Variants in PARD3B observed in about 807,000 individuals in gnomAD.
PARD3B encodes partitioning defective 3 homolog B.
In PARD3B, 103 loss-of-function variants were observed where a neutral mutation model predicts 130.2. The observed-to-expected ratio is 0.79, with a 90% CI of 0.67 to 0.93. The LOEUF (loss-of-function observed/expected upper bound fraction) is 0.93, where lower values mean the gene tolerates loss of function less well. Among genes scored for constraint, PARD3B ranks in the 40% least tolerant of loss-of-function variants. The pLI is 0.00. For synonymous variants in PARD3B, 583 were observed against 553.2 expected, an observed-to-expected ratio of 1.05 and a Z score of -0.76; for missense variants, 1,609 against 1,499.2, an observed-to-expected ratio of 1.07 and a Z score of -1.21.
chr2:205,517,824 C>G, intron 21 of PARD3B, among the ~76,000 whole-genome samples: 1 of 152,098 alleles, frequency 6.6e-6, no homozygotes, highest in Admixed American at 6.6e-5. Context: ...TGATTTCTGC[C>G]TTAACTTCAT....
intron 2 of PARD3B, among the ~76,000 whole-genome samples, chr2:204,751,780 C>T (rs937577631): frequency 6.6e-6 from 1 of 152,128 alleles, no homozygotes; most frequent in Admixed American, 6.6e-5. Context: ...CATTGGCTTT[C>T]TTCATGTTTT....
intron 2 of PARD3B, among the ~76,000 whole-genome samples, chr2:204,786,039 G>A (rs1249655354): frequency 1.3e-5 from 2 of 151,178 alleles, no homozygotes; most frequent in African/African-American, 4.9e-5. Context: ...ACTTGAACCC[G>A]GGAGGTGGAG....
intron 20 of PARD3B, among the ~76,000 whole-genome samples, chr2:205,497,623 G>C (rs531937162): frequency 6.6e-6 from 1 of 151,968 alleles, no homozygotes; most frequent in South Asian, 2.1e-4. Context: ...ACCTTTCCAA[G>C]CCTCACTTGT....
At chr2:205,095,028 G>A (rs1456501176) in intron 4 of PARD3B, among the ~76,000 whole-genome samples, 2 of 152,068 alleles carry the variant, frequency 1.3e-5, no homozygotes, top group African/African-American at 2.4e-5. Context: ...TGAGAAGATG[G>A]TATAGTTTAA....
rs1328813846 is a variant in PARD3B at position 205,122,931 on chromosome 2, TC to T, written c.1165+983del. On this transcript the variant is annotated intron_variant, in intron 8 of 22. Coordinates refer to ENST00000406610, the MANE Select transcript of PARD3B (RefSeq NM_001302769.2). This position sits in a 1 kb window ranked among gnomAD's most constrained non-coding sequence, Gnocchi z 4.3. ...CAATCAGGTTTTTTATTTAAATGCCTCAGTTGTATTTTTTGTACAAATGATC... is the reference window on the plus strand; with the variant it reads ...CAATCAGGTTTTTTATTTAAATGCCTAGTTGTATTTTTTGTACAAATGATC... Among the ~76,000 whole-genome samples the T allele has an allele frequency of 6.6e-6, 1 of 152,198 alleles. No individual in the cohort carries two copies. The highest frequency in any genetic ancestry group is 6.5e-5 in the Admixed American group (1 of 15,280).
rs1454953135 is a variant in PARD3B, at chr2:204,677,204, A to T, written c.121-8977A>T. 6.6e-6 allele frequency among the ~76,000 whole-genome samples: 1 copy of T among 152,178 alleles called. No individual in the cohort carries two copies. The highest frequency in any genetic ancestry group is 1.5e-5 in the Non-Finnish European group (1 of 68,032). Reference sequence around the variant, plus strand: ...TTAAGGTAAAACTTTTACATAAAATATAGTCTCCAGTGTAATCCAGATACT... The same window carrying T: ...TTAAGGTAAAACTTTTACATAAAATTTAGTCTCCAGTGTAATCCAGATACT... On this transcript the variant is annotated intron_variant, in intron 1 of 22. Transcript: ENST00000406610. The surrounding 1 kb of genome is among the most constrained non-coding windows in gnomAD (Gnocchi z 4.1).
intron 1 of PARD3B, among the ~76,000 whole-genome samples, chr2:204,557,133 C>T (rs1300230539): frequency 6.6e-6 from 1 of 152,016 alleles, no homozygotes; most frequent in East Asian, 1.9e-4. Context: ...GGGGTTCTGG[C>T]CTCGTCCTCC....
At chr2:205,465,032 A>G (rs557040395) in intron 20 of PARD3B, among the ~76,000 whole-genome samples, 28 of 152,264 alleles carry the variant, frequency 1.8e-4, no homozygotes, top group African/African-American at 6.3e-4. Context: ...TCTCAAATCA[A>G]AAGTTTTCTT....
intron 22 of PARD3B, among the ~76,000 whole-genome samples, chr2:205,577,377 A>G (rs2053799732): frequency 6.6e-6 from 1 of 152,170 alleles, no homozygotes; most frequent in Non-Finnish European, 1.5e-5. Context: ...AATGAAAACA[A>G]TGTCCATCAG....
intron 16 of PARD3B, among the ~76,000 whole-genome samples, chr2:205,267,746 G>A (rs2040566430): frequency 6.6e-6 from 1 of 152,092 alleles, no homozygotes; most frequent in Non-Finnish European, 1.5e-5. Context: ...GGCAGATAGA[G>A]GGGTGAAGAT....
intron 18 of PARD3B, among the ~76,000 whole-genome samples, chr2:205,358,725 C>T (rs1344853717): frequency 6.6e-6 from 1 of 152,184 alleles, no homozygotes. Flanking sequence ...TGCTTTCCCA[C>T]CCCCGTCTTT....
chr2:205,310,012 C>G (rs2105929641), intron 18 of PARD3B, among the ~76,000 whole-genome samples: 1 of 151,334 alleles, frequency 6.6e-6, no homozygotes, highest in South Asian at 2.1e-4. Flanking sequence ...TGTGGAAGGG[C>G]TAAAACAAGC....
At chr2:205,381,056 TAAAGAA>T (rs1327596924) in intron 18 of PARD3B, among the ~76,000 whole-genome samples, 807 of 75,558 alleles carry the variant, frequency 0.011, 50 homozygotes, top group African/African-American at 0.075. Context: ...ATATTATATA[TAAAGAA>T]TATATATTAT....
intron 2 of PARD3B, among the ~76,000 whole-genome samples, chr2:204,750,322 C>G (rs1447151413): frequency 6.6e-6 from 1 of 152,178 alleles, no homozygotes; most frequent in Non-Finnish European, 1.5e-5. Context: ...GTGACTCACG[C>G]CTGTAATCCC....
At chr2:204,710,350 G>T (rs946899265) in intron 2 of PARD3B, among the ~76,000 whole-genome samples, 1 of 152,192 alleles carries the variant, frequency 6.6e-6, no homozygotes, top group Admixed American at 6.5e-5. Context: ...AAAAGGTTAC[G>T]AAACAGATCT....
chr2:204,753,924 T>G (rs188762491), intron 2 of PARD3B, among the ~76,000 whole-genome samples: 1 of 152,030 alleles, frequency 6.6e-6, no homozygotes, highest in African/African-American at 2.4e-5. Flanking sequence ...AAATAAATAA[T>G]TGGTGCAGTG....
In PARD3B at chr2:205,025,786, C is replaced by T. The variant is rs189883312; in HGVS notation, c.395-21795C>T. ...CTGACTCCTATTCCATGTTTTGCCC[C>T]AACCACCGAACACGATGCTCTGACC... On this transcript the variant is annotated intron_variant, in intron 3 of 22. Transcript: ENST00000406610. Among the ~76,000 whole-genome samples, 12 of 152,220 alleles carry T rather than the reference C, an allele frequency of 7.9e-5. No individual in the cohort carries two copies. The East Asian group carries it at 9.7e-4, about 12-fold the overall frequency.
At chr2:205,298,261 T>C (rs2105895133) in intron 16 of PARD3B, among the ~76,000 whole-genome samples, 1 of 152,328 alleles carries the variant, frequency 6.6e-6, no homozygotes, top group South Asian at 2.1e-4. Flanking sequence ...GGGGCTGATA[T>C]TATAAAATAT....
intron 18 of PARD3B, among the ~76,000 whole-genome samples, chr2:205,314,554 C>T (rs532328072): frequency 2.0e-5 from 3 of 152,190 alleles, no homozygotes; most frequent in African/African-American, 7.2e-5. Flanking sequence ...GAAATAATAA[C>T]TGTAACTGTT....
Sources: allele counts gnomAD v4.1 joint callset (sites outside exome capture counted in the v4.1 genomes callset), GRCh38; gene constraint gnomAD v4.1.1; non-coding constraint Gnocchi (gnomAD v3.1); transcripts MANE v1.5; gene names NCBI Gene and HGNC (gene_info 2026-07-23, HGNC 2026-07-21).